Variants in PRR14L observed in about 807,000 individuals in gnomAD.
PRR14L encodes protein PRR14L.
In PRR14L, 80 loss-of-function variants were observed where a neutral mutation model predicts 155.0. The observed-to-expected ratio is 0.52, with a 90% CI of 0.43 to 0.62. The LOEUF (loss-of-function observed/expected upper bound fraction) is 0.62. Ranked by LOEUF, PRR14L falls within the 20% of genes least tolerant of loss-of-function variation. The pLI, the probability that PRR14L is intolerant of heterozygous loss-of-function variation, is 0.00. For synonymous variants in PRR14L, 883 were observed against 916.0 expected (o/e 0.96, Z 0.65); for missense variants, 2,469 against 2,548.0 (o/e 0.97, Z 0.67).
In PRR14L at chr22:31,712,128, T is replaced by C. The variant is rs2074626371; in HGVS notation, c.5711A>G (p.His1904Arg). ...TGGTTGCCGCTTGCAGTGAGGGGAA[T>C]GAAGAGAAGAGATTTCGAAGGAGCA... is the stretch of plus-strand genomic sequence containing the variant. The part of the protein sequence containing the change: ...SVCSFEISSL[H>R]SPHCKRQPSL... Residue 1904 changes from histidine to arginine, a missense_variant, in exon 4 of 9, where the codon CAT (histidine) becomes CGT (arginine). His to Arg is a conservative substitution (Grantham distance 29, BLOSUM62 0). Coordinates refer to ENST00000327423, the MANE Select transcript of PRR14L (RefSeq NM_173566.3). The C allele has an allele frequency of 6.2e-7, 1 of 1,613,790 alleles. No homozygotes were observed. Among genetic ancestry groups the C allele is most frequent in the African/African-American group, 1.3e-5 (1 of 74,946 alleles).
At chr22:31,694,859 C>T (rs142365690) in intron 7 of PRR14L, among the ~76,000 whole-genome samples, 1,994 of 151,886 alleles carry the variant, frequency 0.013, 14 homozygotes, top group Middle Eastern at 0.031. Flanking sequence ...CCGAGATGGG[C>T]GGATCATGAG....
rs563954809 is a variant in PRR14L, at chr22:31,734,691, A to G, written c.474+3696T>C. On this transcript the variant is annotated intron_variant, in intron 2 of 8. Coordinates refer to ENST00000327423, the MANE Select transcript of PRR14L (RefSeq NM_173566.3). ...CGTCTCTTGACTGTTCTCTTTCACA[A>G]GTTACACACCCAATGACCTGGCCTC... 1.4e-4 allele frequency among the ~76,000 whole-genome samples: 21 copies of G among 152,318 alleles called. No individual in the cohort carries two copies. In the East Asian group the frequency reaches 3.7e-3, roughly 27 times the overall value.
At position 31,703,691 on chromosome 22, in the gene PRR14L, T is replaced by C. The variant is rs763184158; in HGVS notation, c.5859A>G (p.Pro1953=). 1.9e-6 allele frequency: 3 copies of C among 1,603,898 alleles called. No homozygotes were observed. The Middle Eastern group carries it at 5.0e-4, about 267-fold the overall frequency. ...RLEPPFPALV[P]KSCLVAESAV... is the part of the protein sequence containing the mutation. ...CTGATTCTGCTACCAAGCAAGACTT[T>C]GGTACCAAGGCAGGGAATGGAGGCT... The change falls in exon 6 of 9, where the codon CCA becomes CCG. Residue 1953 remains proline (P), a synonymous_variant. Transcript: ENST00000327423.
rs372890284 is a variant in PRR14L, at chr22:31,712,313, G to A, written c.5526C>T (p.Ser1842=). The A allele has an allele frequency of 2.7e-5, 43 of 1,614,182 alleles. No homozygotes were observed. The African/African-American group carries it at 5.1e-4, about 19-fold the overall frequency. Residue 1842 remains serine, a synonymous_variant, in exon 4 of 9, where the codon TCC becomes TCT. Transcript: ENST00000327423. ...GCCTCTGCATGGTAGGCATGTGGCTGGAGAAGCTCCGTTTTTTTGTCCAGA... is the reference window on the plus strand; with the variant it reads ...GCCTCTGCATGGTAGGCATGTGGCTAGAGAAGCTCCGTTTTTTTGTCCAGA... ...YRIWTKKRSF[S]SHMPTMQRLF...
At chr22:31,697,380 T>C (rs1320484258) in intron 7 of PRR14L, among the ~76,000 whole-genome samples, 2 of 152,024 alleles carry the variant, frequency 1.3e-5, no homozygotes, top group Admixed American at 6.6e-5. Flanking sequence ...GGAAAGGAGT[T>C]GTCAGAGTGA....
intron 7 of PRR14L, among the ~76,000 whole-genome samples, chr22:31,700,990 A>ATT (rs997276060): frequency 7.2e-6 from 1 of 139,584 alleles, no homozygotes; most frequent in Non-Finnish European, 1.6e-5. Flanking sequence ...AAGTTTGGCG[A>ATT]TTTTTTTTTT....
chr22:31,685,466 A>C lies in PRR14L; in HGVS notation c.*61T>G, dbSNP rs371210671. On this transcript the variant is annotated 3_prime_UTR_variant, in exon 9 of 9. Coordinates refer to ENST00000327423, the MANE Select transcript of PRR14L (RefSeq NM_173566.3). ...AAGGAGGTCCAAAAAAAAAAAAAAA[A>C]CCCAAAAACAAAACAAAACAAAAAA... The C allele has an allele frequency of 1.7e-5, 22 of 1,286,770 alleles. No individual in the cohort carries two copies. Among genetic ancestry groups the C allele is most frequent in the Admixed American group, 3.0e-5 (1 of 33,378 alleles). The allele number at this position is 1,286,770 out of a possible 1,614,324, so 79.7% of individuals were successfully genotyped here. A position where few individuals can be genotyped will look rare whatever the true frequency, so the allele number is the denominator to read the frequency against.
Position 31,717,138 on chromosome 22 carries a change from A to G in PRR14L, c.701T>C (p.Val234Ala). ...LSAGCGEFQE[V>A]DKIMTSDEVS... is the part of the protein sequence containing the mutation. The stretch of plus-strand genomic sequence containing the variant: ...CTCATCACTGGTCATGATTTTGTCT[A>G]CTTCTTGGAATTCACCGCATCCAGC... Residue 234 changes from valine (V) to alanine (A), a missense_variant, in exon 4 of 9, where the codon GTA becomes GCA. Around this residue, in one of 2 missense-constraint regions of PRR14L, gnomAD observed 2,363 missense variants for 2,371.6 expected, o/e 1.00. Coordinates refer to ENST00000327423, the MANE Select transcript of PRR14L (RefSeq NM_173566.3). The G allele has an allele frequency of 2.6e-6, 4 of 1,552,290 alleles. No homozygotes were observed. The highest frequency in any genetic ancestry group is 2.6e-6 in the Non-Finnish European group (3 of 1,147,120).
intron 7 of PRR14L, among the ~76,000 whole-genome samples, chr22:31,695,096 A>C (rs1040730663): frequency 1.3e-5 from 2 of 152,150 alleles, no homozygotes; most frequent in African/African-American, 4.8e-5. Context: ...AAAACAAAAC[A>C]AAAAAACCTA....
At chr22:31,732,643 T>C (rs2074756232) in intron 2 of PRR14L, among the ~76,000 whole-genome samples, 1 of 152,232 alleles carries the variant, frequency 6.6e-6, no homozygotes, top group African/African-American at 2.4e-5. Flanking sequence ...GACTTTGGTC[T>C]ATGCCTGCTT....
At chr22:31,707,816 G>A (rs2074599836) in intron 4 of PRR14L, among the ~76,000 whole-genome samples, 2 of 152,192 alleles carry the variant, frequency 1.3e-5, no homozygotes, top group Admixed American at 6.5e-5. Flanking sequence ...TCACTCTAAC[G>A]TATTTTCATG....
At chr22:31,739,877 G>T (rs1556484695) in intron 1 of PRR14L, among the ~76,000 whole-genome samples, 1 of 152,054 alleles carries the variant, frequency 6.6e-6, no homozygotes, top group Non-Finnish European at 1.5e-5. Flanking sequence ...GGGTTTCTTG[G>T]CTCCTAACTT....
intron 3 of PRR14L, among the ~76,000 whole-genome samples, chr22:31,722,196 G>T (rs1455831573): frequency 1.3e-5 from 2 of 152,092 alleles, no homozygotes; most frequent in African/African-American, 4.8e-5. Flanking sequence ...TTGGGAGCCT[G>T]AGACGGGTGG....
rs536542505 is a variant in PRR14L at position 31,713,829 on chromosome 22, T to C, written c.4010A>G (p.Glu1337Gly). Residue 1337 changes from glutamate to glycine, a missense_variant, in exon 4 of 9, where the codon GAA (glutamate) becomes GGA (glycine). Physicochemically the swap from Glu to Gly is moderately conservative, Grantham distance 98. Around this residue, in one of 2 missense-constraint regions of PRR14L, gnomAD observed 2,363 missense variants for 2,371.6 expected, o/e 1.00. Transcript: ENST00000327423. ...TCGTCCCCTCTGATGCTCTTCGGTT[T>C]CTTCTCCTTTCACTTTAATATCTGT... Reference protein sequence around the residue: ...VKTDIKVKGEETEEHQRGRLG... With the variant: ...VKTDIKVKGEGTEEHQRGRLG... 1 of 1,552,374 alleles carries C rather than the reference T, an allele frequency of 6.4e-7. No homozygotes were observed. Among genetic ancestry groups the C allele is most frequent in the East Asian group, 2.4e-5 (1 of 40,926 alleles).
chr22:31,714,612 A>G lies in PRR14L; in HGVS notation c.3227T>C (p.Leu1076Pro). The G allele has an allele frequency of 6.4e-7, 1 of 1,552,020 alleles. No homozygotes were observed. Among genetic ancestry groups the G allele is most frequent in the Non-Finnish European group, 8.7e-7 (1 of 1,147,084 alleles). Reference sequence around the variant, plus strand: ...CTCTTGCCTTGCACCACAATCCAGTAGATTAGATGCCTTCACGTCCAGCAC... The same window carrying G: ...CTCTTGCCTTGCACCACAATCCAGTGGATTAGATGCCTTCACGTCCAGCAC... ...EGVLDVKASN[L>P]LDCGARQEKL... The change falls in exon 4 of 9, where the codon CTA becomes CCA. Residue 1076 changes from leucine (L) to proline (P), a missense_variant. Coordinates refer to ENST00000327423, the MANE Select transcript of PRR14L (RefSeq NM_173566.3).
Position 31,685,443 on chromosome 22 carries a change from G to A in PRR14L, c.*84C>T, listed in dbSNP as rs114578210. On this transcript the variant is annotated 3_prime_UTR_variant, in exon 9 of 9. Transcript: ENST00000327423. ...GGCAAAATTAGGCAACCTTTTCCAA[G>A]GAGGTCCAAAAAAAAAAAAAAAACC... 3 of 1,148,688 alleles carry A rather than the reference G, an allele frequency of 2.6e-6. No individual in the cohort carries two copies. Among genetic ancestry groups the A allele is most frequent in the East Asian group, 2.6e-5 (1 of 38,092 alleles). The allele number at this position is 1,148,688 out of a possible 1,614,324, so 71.2% of individuals were successfully genotyped here.
Position 31,715,834 on chromosome 22 carries a change from C to A in PRR14L, c.2005G>T (p.Asp669Tyr). 1.3e-6 allele frequency: 2 copies of A among 1,551,546 alleles called. No individual in the cohort carries two copies. The highest frequency in any genetic ancestry group is 2.4e-5 in the South Asian group (2 of 83,982). The change falls in exon 4 of 9, where the codon GAC (aspartate) becomes TAC (tyrosine). Residue 669 changes from aspartate (D) to tyrosine (Y), a missense_variant. By Grantham distance (160) the Asp-to-Tyr change is radical. This residue lies in a region of PRR14L where 2,363 missense variants were observed against 2,371.6 expected (regional missense o/e 1.00). Transcript: ENST00000327423. ...NSQEHANLPT[D>Y]SLLHLNKEMP... is the part of the protein sequence containing the mutation. ...TCTTTGTTTAAATGCAGTAGAGAGTCAGTTGGCAAATTTGCATGTTCTTGA... is the reference window on the plus strand; with the variant it reads ...TCTTTGTTTAAATGCAGTAGAGAGTAAGTTGGCAAATTTGCATGTTCTTGA...
At chr22:31,708,162 CAACAAA>C (rs936511720) in intron 4 of PRR14L, among the ~76,000 whole-genome samples, 1 of 150,760 alleles carries the variant, frequency 6.6e-6, no homozygotes, top group African/African-American at 2.4e-5. Flanking sequence ...GAAAAAAAAA[CAACAAA>C]AACAAAAACT....
At chr22:31,697,754 T>A (rs1037942798) in intron 7 of PRR14L, among the ~76,000 whole-genome samples, 1 of 152,036 alleles carries the variant, frequency 6.6e-6, no homozygotes, top group African/African-American at 2.4e-5. Flanking sequence ...TAGTCCCAGC[T>A]ACTCATGAGG....
Sources: allele counts gnomAD v4.1 joint callset (sites outside exome capture counted in the v4.1 genomes callset), GRCh38; gene constraint gnomAD v4.1.1; regional missense constraint gnomAD v4.1.1; transcripts MANE v1.5; gene names NCBI Gene and HGNC (gene_info 2026-07-23, HGNC 2026-07-21).